The following FANCD2 variants were observed in gnomAD, a reference collection of about 807,000 sequenced individuals.
FANCD2 encodes the protein Fanconi anemia group D2 protein.
In FANCD2, 131 loss-of-function variants were observed where a neutral mutation model predicts 192.3. That is an observed-to-expected ratio of 0.68 (90% CI 0.59 to 0.79). The LOEUF is 0.79. Ranked by LOEUF, FANCD2 falls within the 30% of genes least tolerant of loss-of-function variation. FANCD2 has a pLI of 0.00. For synonymous variants in FANCD2, 524 were observed against 612.5 expected, an observed-to-expected ratio of 0.86 and a Z score of 2.13; for missense variants, 1,508 against 1,701.6, an observed-to-expected ratio of 0.89 and a Z score of 2.00.
At chr3:10,045,053 G>GT (rs1323224968) in intron 14 of FANCD2, among the ~76,000 whole-genome samples, 2 of 118,428 alleles carry the variant, frequency 1.7e-5, no homozygotes, top group African/African-American at 3.9e-5. Flanking sequence ...AATTTTTTTT[G>GT]TTTTTTCTTG....
chr3:10,088,251 C>A (rs758004763), intron 34 of FANCD2, among the ~76,000 whole-genome samples, 198 bp from the exon 35 acceptor site: 1 of 152,096 alleles, frequency 6.6e-6, no homozygotes, highest in Non-Finnish European at 1.5e-5. Flanking sequence ...GAGCCTTAGG[C>A]AAATGAGTTT....
At chr3:10,085,988 T>G in intron 33 of FANCD2, 66 bp downstream of exon 33, 1 of 1,064,052 alleles carries the variant, frequency 9.4e-7, no homozygotes, top group Non-Finnish European at 1.5e-6. Flanking sequence ...ATTGGCAACT[T>G]TCTTTAAAAT....
At chr3:10,055,681 A>G (rs2087387842) in intron 18 of FANCD2, among the ~76,000 whole-genome samples, 1 of 151,960 alleles carries the variant, frequency 6.6e-6, no homozygotes, top group Admixed American at 6.6e-5. Context: ...ACGTGGTGGC[A>G]GGCGCCTATA....
In FANCD2 at chr3:10,088,897, A is replaced by C; in HGVS notation, c.3630A>C (p.Glu1210Asp). 5 of 1,614,056 alleles carry C rather than the reference A, an allele frequency of 3.1e-6. No individual in the cohort carries two copies. The highest frequency in any genetic ancestry group is 4.2e-6 in the Non-Finnish European group (5 of 1,179,944). ...AGATTGCTGGTGTTGGTGTCCCAGA[A>C]CTGATCAACTCTCCTAAAGATGCAT... The part of the protein sequence containing the change: ...IEEIAGVGVP[E>D]LINSPKDASS... The change falls in exon 36 of 44, where the codon GAA (glutamate) becomes GAC (aspartate). Residue 1210 changes from glutamate (E) to aspartate (D), a missense_variant. By Grantham distance (45) the Glu-to-Asp change is conservative. Around this residue, in one of 5 missense-constraint regions of FANCD2, gnomAD observed 796 missense variants for 879.4 expected, o/e 0.91. Transcript: ENST00000675286.
At chr3:10,101,164 A>G (rs376303652) in intron 43 of FANCD2, 24 bp from the exon 44 acceptor site, 3 of 1,584,262 alleles carry the variant, frequency 1.9e-6, no homozygotes, top group African/African-American at 1.3e-5. Flanking sequence ...TAAAATGCTT[A>G]TTTATTTATT....
chr3:10,048,598 C>G (rs910594984), intron 16 of FANCD2, among the ~76,000 whole-genome samples: 1 of 152,208 alleles, frequency 6.6e-6, no homozygotes, highest in Admixed American at 6.5e-5. Flanking sequence ...AGCCATTGGG[C>G]CTGGCCGAGA....
chr3:10,039,355 A>G lies in FANCD2; in HGVS notation c.568A>G (p.Lys190Glu). Residue 190 changes from lysine to glutamate, a missense_variant and splice_region_variant, in exon 8 of 44, where the codon AAG becomes GAG. By Grantham distance (56) the Lys-to-Glu change is moderately conservative. Coordinates refer to ENST00000675286, the MANE Select transcript of FANCD2 (RefSeq NM_001018115.3). Reference protein sequence around the residue: ...LKWLDRVVDGKDLTTKIMQLI... With the variant: ...LKWLDRVVDGEDLTTKIMQLI... ...ATGGCTTGACAGAGTTGTGGATGGC[A>G]AGGTAGGCTTATGGACTTTATCTCT... The G allele has an allele frequency of 6.2e-7, 1 of 1,611,264 alleles. No individual in the cohort carries two copies. Among genetic ancestry groups the G allele is most frequent in the East Asian group, 2.2e-5 (1 of 44,852 alleles).
In FANCD2 at chr3:10,043,135, G is replaced by A. The variant is rs1243778280; in HGVS notation, c.974G>A (p.Ser325Asn). The A allele has an allele frequency of 6.2e-7, 1 of 1,614,034 alleles. No individual in the cohort carries two copies. The highest frequency in any genetic ancestry group is 8.5e-7 in the Non-Finnish European group (1 of 1,179,942). The change falls in exon 12 of 44, where the codon AGT becomes AAT. Residue 325 changes from serine to asparagine, a missense_variant. Around this residue, in one of 5 missense-constraint regions of FANCD2, gnomAD observed 435 missense variants for 421.9 expected, o/e 1.03. Transcript: ENST00000675286. ...RLQASQVKLK[S>N]KGRASSSGNQ... ...CAGGCTTCCCAAGTAAAGTTGAAAAGTAAAGGACGAGCAAGGTAAAGAGCT... is the reference window on the plus strand; with the variant it reads ...CAGGCTTCCCAAGTAAAGTTGAAAAATAAAGGACGAGCAAGGTAAAGAGCT...
In FANCD2 at chr3:10,098,793, C is replaced by T. The variant is rs766662733; in HGVS notation, c.4259C>T (p.Ala1420Val). 2 of 1,614,164 alleles carry T rather than the reference C, an allele frequency of 1.2e-6. No homozygotes were observed. The highest frequency in any genetic ancestry group is 3.3e-5 in the Admixed American group (2 of 60,020). ...DESEDDMSSQ[A>V]SKSKATEDGE... ...AGTGAGGATGACATGTCATCCCAGG[C>T]CTCCAAGAGCAAAGCCACTGAGGTA... The change falls in exon 43 of 44, where the codon GCC becomes GTC. Residue 1420 changes from alanine to valine, a missense_variant. Coordinates refer to ENST00000675286, the MANE Select transcript of FANCD2 (RefSeq NM_001018115.3).
At chr3:10,026,570 C>T in intron 1 of FANCD2, 97 bp downstream of exon 1, 1 of 253,394 alleles carries the variant, frequency 3.9e-6, no homozygotes, top group Non-Finnish European at 6.2e-6. Flanking sequence ...TCCTCTGGGG[C>T]TCCGCGCCCC....
rs760963969 is a variant in FANCD2, at chr3:10,064,414, G to C, written c.2006G>C (p.Cys669Ser). 1.2e-6 allele frequency: 2 copies of C among 1,613,754 alleles called. No individual in the cohort carries two copies. The highest frequency in any genetic ancestry group is 1.7e-6 in the Non-Finnish European group (2 of 1,179,658). ...DFQDAFVVDS[C>S]VVPEGDFPFP... Reference sequence around the variant, plus strand: ...CAGGATGCCTTCGTAGTGGACTCCTGTGTTGTTCCGGAAGGGTAGGTATTG... The same window carrying C: ...CAGGATGCCTTCGTAGTGGACTCCTCTGTTGTTCCGGAAGGGTAGGTATTG... Residue 669 changes from cysteine (C) to serine (S), a missense_variant, in exon 22 of 44, where the codon TGT becomes TCT. By Grantham distance (112) the Cys-to-Ser change is moderately radical. This residue lies in a region of FANCD2 where 59 missense variants were observed against 111.9 expected (regional missense o/e 0.53). Coordinates refer to ENST00000675286, the MANE Select transcript of FANCD2 (RefSeq NM_001018115.3).
intron 26 of FANCD2, among the ~76,000 whole-genome samples, chr3:10,070,904 C>G (rs4299466): frequency 2.4e-4 from 35 of 146,214 alleles, no homozygotes; most frequent in Non-Finnish European, 4.5e-4. Context: ...GCAAGATGTG[C>G]TTTGTTAAAC....
At chr3:10,027,646 CT>C (rs1294190093) in intron 1 of FANCD2, among the ~76,000 whole-genome samples, 3 of 152,068 alleles carry the variant, frequency 2.0e-5, no homozygotes, top group Non-Finnish European at 4.4e-5. Flanking sequence ...TGGCTCACGC[CT>C]GTAATCCCAG....
In FANCD2 at chr3:10,087,145, A is replaced by G. The variant is rs548876750; in HGVS notation, c.3347A>G (p.His1116Arg). 5 of 1,614,114 alleles carry G rather than the reference A, an allele frequency of 3.1e-6. No individual in the cohort carries two copies. The Admixed American group carries it at 5.0e-5, about 16-fold the overall frequency. Residue 1116 changes from histidine (H) to arginine (R), a missense_variant, in exon 34 of 44, where the codon CAT becomes CGT. By Grantham distance (29) the His-to-Arg change is conservative (BLOSUM62 0). Transcript: ENST00000675286. ...TTGTCTCCTTACAGCCAGAGCGTCC[A>G]TTACTTGCAGAATTTCCATCAAAGC... ...PLEELLSQSV[H>R]YLQNFHQSIP...
rs371581727 is a variant in FANCD2, at chr3:10,049,642, C to T, written c.1545+137C>T. ...TCTATGTGTTAATTCATTCAGCAAA[C>T]ACTTCTTTATACCTAACCTACAGGC... is the stretch of plus-strand genomic sequence containing the variant. On this transcript the variant is annotated intron_variant, in intron 17 of 43. Transcript: ENST00000675286. 1.1e-4 allele frequency: 95 copies of T among 880,404 alleles called. 2 individuals are homozygous for T. Among genetic ancestry groups the T allele is most frequent in the South Asian group, 1.1e-3 (77 of 71,564 alleles). The allele number at this position is 880,404 out of a possible 1,614,324, so 54.5% of individuals were successfully genotyped here.
intron 2 of FANCD2, among the ~76,000 whole-genome samples, chr3:10,030,095 C>CTTTT (rs1559368029): frequency 1.1e-5 from 1 of 89,338 alleles, no homozygotes; most frequent in African/African-American, 6.1e-5. Flanking sequence ...CCCATTATAT[C>CTTTT]ATTTTTTTTT....
chr3:10,049,288 G>A, intron 16 of FANCD2, 86 bp from the exon 17 acceptor site: 1 of 1,325,628 alleles, frequency 7.5e-7, no homozygotes, highest in Non-Finnish European at 1.1e-6. Flanking sequence ...ACAAAGTAGA[G>A]ATTGGAGAGG....
rs78896323 is a variant in FANCD2, at chr3:10,098,930, C to A, written c.4281+115C>A. ...TGTTTATTGTCAAATGCTTCTATGC[C>A]CATTTCCATTCCCTCCATAACAGCT... On this transcript the variant is annotated intron_variant, in intron 43 of 43. Coordinates refer to ENST00000675286, the MANE Select transcript of FANCD2 (RefSeq NM_001018115.3). 509 of 1,614,148 alleles carry A rather than the reference C, an allele frequency of 3.2e-4. No individual in the cohort carries two copies. The African/African-American group carries it at 6.2e-3, about 20-fold the overall frequency.
chr3:10,038,336 G>A (rs2086781694), intron 7 of FANCD2, among the ~76,000 whole-genome samples: 2 of 152,024 alleles, frequency 1.3e-5, no homozygotes, highest in African/African-American at 4.8e-5. Flanking sequence ...GTCTCATGCT[G>A]GATGCTTTAC....
Sources: allele counts gnomAD v4.1 joint callset (sites outside exome capture counted in the v4.1 genomes callset), GRCh38; gene constraint gnomAD v4.1.1; regional missense constraint gnomAD v4.1.1; transcripts MANE v1.5; gene names NCBI Gene and HGNC (gene_info 2026-07-23, HGNC 2026-07-21).